The following PDE1C variants were observed in gnomAD, a reference collection of about 807,000 sequenced individuals.
PDE1C encodes phosphodiesterase 1C.
In PDE1C, 62 loss-of-function variants were observed where a neutral mutation model predicts 93.1. The observed-to-expected ratio is 0.67, with a 90% confidence interval of 0.54 to 0.82. The LOEUF is 0.82. Ranked by LOEUF, PDE1C falls within the 40% of genes least tolerant of loss-of-function variation. The pLI, the probability that PDE1C is intolerant of heterozygous loss-of-function variation, is 0.00. For synonymous variants in PDE1C, 325 were observed against 310.1 expected (o/e 1.05, Z -0.50); for missense variants, 742 against 884.6 (o/e 0.84, Z 2.04).
At chr7:32,118,110 G>C (rs1799086846) in intron 3 of PDE1C, among the ~76,000 whole-genome samples, 2 of 152,154 alleles carry the variant, frequency 1.3e-5, no homozygotes, top group African/African-American at 2.4e-5. Flanking sequence ...GAGTGCTTTG[G>C]GGAAAAAGGG....
At chr7:32,092,492 C>T (rs553417012) in intron 3 of PDE1C, among the ~76,000 whole-genome samples, 1 of 152,300 alleles carries the variant, frequency 6.6e-6, no homozygotes, top group Admixed American at 6.5e-5. Flanking sequence ...TCTCTCCTGT[C>T]CCCCGACCTC....
chr7:31,664,702 A>G, the PDE1C span, among the ~76,000 whole-genome samples: 1 of 152,212 alleles, frequency 6.6e-6, no homozygotes, highest in African/African-American at 2.4e-5. Flanking sequence ...AGCCTCTCAA[A>G]GCAACCTTTC....
At chr7:31,757,339 T>C (rs914783072) in intron 17 of PDE1C, among the ~76,000 whole-genome samples, 9 of 152,238 alleles carry the variant, frequency 5.9e-5, no homozygotes, top group African/African-American at 2.2e-4. Context: ...GTTTATACTT[T>C]CTAATTTTTC....
At chr7:31,764,946 G>A (rs111435333) in intron 17 of PDE1C, among the ~76,000 whole-genome samples, 136 of 152,276 alleles carry the variant, frequency 8.9e-4, no homozygotes, top group African/African-American at 3.0e-3. Context: ...CTACAGATCC[G>A]AATATTTCTC....
upstream of PDE1C, among the ~76,000 whole-genome samples, chr7:32,300,308 AC>A: frequency 6.6e-6 from 1 of 152,344 alleles, no homozygotes; most frequent in Middle Eastern, 3.4e-3. Context: ...AAGACCTAGA[AC>A]CACATTCACA....
chr7:32,277,996 A>G (rs965613638), intron 1 of PDE1C, among the ~76,000 whole-genome samples: 1 of 152,148 alleles, frequency 6.6e-6, no homozygotes, highest in African/African-American at 2.4e-5. Context: ...TGATGTCCTA[A>G]TGGAAACAGG....
chr7:31,636,985 G>A, the PDE1C span, among the ~76,000 whole-genome samples: 5 of 149,650 alleles, frequency 3.3e-5, no homozygotes, highest in Non-Finnish European at 5.9e-5. Flanking sequence ...AACATGCGGT[G>A]TTTGGTTTTT....
intron 2 of PDE1C, among the ~76,000 whole-genome samples, chr7:32,187,584 T>TA (rs1803967976): frequency 6.7e-6 from 1 of 148,792 alleles, no homozygotes; most frequent in South Asian, 2.1e-4. Context: ...TATTTGGACT[T>TA]AAAGATACAT....
the PDE1C span, among the ~76,000 whole-genome samples, chr7:31,667,307 G>A: frequency 6.6e-6 from 1 of 152,110 alleles, no homozygotes; most frequent in African/African-American, 2.4e-5. Context: ...AAATTAGGAG[G>A]ACTCCACCCT....
intron 3 of PDE1C, among the ~76,000 whole-genome samples, chr7:32,081,296 C>A (rs2128736479): frequency 6.6e-6 from 1 of 152,320 alleles, no homozygotes; most frequent in Non-Finnish European, 1.5e-5. Flanking sequence ...TGTTAGAAAC[C>A]ATTCTGCCTT....
chr7:32,410,507 G>A (rs561413811), intron 1 of PDE1C, among the ~76,000 whole-genome samples: 85 of 152,278 alleles, frequency 5.6e-4, no homozygotes, highest in African/African-American at 2.0e-3. Context: ...AGTTAAAACA[G>A]AGCGGTACTG....
chr7:32,217,693 C>T (rs1806536046), intron 1 of PDE1C, among the ~76,000 whole-genome samples: 1 of 152,110 alleles, frequency 6.6e-6, no homozygotes, highest in Admixed American at 6.5e-5. Flanking sequence ...AATGGGAAAA[C>T]CCAGCCAGGT....
chr7:31,848,968 T>C (rs902052739), intron 8 of PDE1C, among the ~76,000 whole-genome samples: 8 of 152,216 alleles, frequency 5.3e-5, no homozygotes, highest in Non-Finnish European at 1.0e-4. Context: ...GTCACAGACT[T>C]TGTTTTCTGA....
intron 14 of PDE1C, among the ~76,000 whole-genome samples, chr7:31,818,002 C>T (rs79953022): frequency 0.025 from 3,862 of 152,146 alleles, 60 homozygotes; most frequent in East Asian, 0.064. Flanking sequence ...CTAGCCTCAT[C>T]CCCAAACAAA....
At chr7:32,258,906 G>A (rs1809999134) in intron 1 of PDE1C, among the ~76,000 whole-genome samples, 1 of 152,176 alleles carries the variant, frequency 6.6e-6, no homozygotes, top group East Asian at 1.9e-4. Flanking sequence ...TCCCATGTGT[G>A]ACTTGGAAAC....
chr7:31,758,164 G>A (rs188361485), intron 17 of PDE1C, among the ~76,000 whole-genome samples: 6 of 152,264 alleles, frequency 3.9e-5, no homozygotes, highest in African/African-American at 1.4e-4. Flanking sequence ...GGGGGAGGCA[G>A]AAGGATAGCA....
At chr7:32,128,908 TA>T (rs1284146383) in intron 3 of PDE1C, among the ~76,000 whole-genome samples, 1 of 11,110 alleles carries the variant, frequency 9.0e-5, no homozygotes, top group African/African-American at 2.8e-4. Context: ...GTATAACAAA[TA>T]TATATATATA....
chr7:32,195,111 C>G (rs1050216550), intron 2 of PDE1C, among the ~76,000 whole-genome samples: 2 of 152,138 alleles, frequency 1.3e-5, no homozygotes, highest in Non-Finnish European at 2.9e-5. Context: ...ACATTTAGAA[C>G]ATTATCAAAT....
the PDE1C span, among the ~76,000 whole-genome samples, chr7:31,726,001 T>C: frequency 6.6e-6 from 1 of 152,190 alleles, no homozygotes; most frequent in African/African-American, 2.4e-5. Context: ...CTTCATGAAT[T>C]TGATGATGGT....
Sources: allele counts gnomAD v4.1 joint callset (sites outside exome capture counted in the v4.1 genomes callset), GRCh38; gene constraint gnomAD v4.1.1; transcripts MANE v1.5; gene names NCBI Gene and HGNC (gene_info 2026-07-23, HGNC 2026-07-21).